RIPOR2: variants seen among roughly 807,000 people sequenced by gnomAD.
The protein encoded by RIPOR2 is rho family-interacting cell polarization regulator 2.
In RIPOR2, 39 loss-of-function variants were observed where a neutral mutation model predicts 114.5. The observed-to-expected ratio is 0.34, with a 90% CI of 0.26 to 0.44. The LOEUF (loss-of-function observed/expected upper bound fraction) is 0.44, where lower values mean the gene tolerates loss of function less well. RIPOR2 is among the 20% of genes least tolerant of loss of function. The pLI is 1.00. For synonymous variants in RIPOR2, 445 were observed against 484.4 expected (o/e 0.92, Z 1.07); for missense variants, 1,007 against 1,255.1 (o/e 0.80, Z 2.99).
At chr6:24,892,803 ATG>A (rs2113976839) in intron 1 of RIPOR2, among the ~76,000 whole-genome samples, 1 of 152,318 alleles carries the variant, frequency 6.6e-6, no homozygotes, top group Non-Finnish European at 1.5e-5. Context: ...AAGAGAGGCA[ATG>A]TGTGGATTCT....
At chr6:24,989,640 T>C (rs957852435) in intron 1 of RIPOR2, among the ~76,000 whole-genome samples, 7 of 152,174 alleles carry the variant, frequency 4.6e-5, no homozygotes, top group Non-Finnish European at 1.0e-4. Flanking sequence ...GAAAAAGATA[T>C]CACATATTGA....
At chr6:24,852,831 G>A (rs571463847) in intron 8 of RIPOR2, among the ~76,000 whole-genome samples, 264 of 152,352 alleles carry the variant, frequency 1.7e-3, no homozygotes, top group Non-Finnish European at 2.7e-3. Context: ...TGATGGAAGA[G>A]GTGGTCTCCA....
At chr6:24,826,083 C>T (rs974681058) in intron 18 of RIPOR2, among the ~76,000 whole-genome samples, 22 of 151,776 alleles carry the variant, frequency 1.4e-4, no homozygotes, top group Admixed American at 5.3e-4. Context: ...CATGCCACCA[C>T]GCCTGGCTAA....
At chr6:25,030,522 C>G (rs915503659) in intron 1 of RIPOR2, among the ~76,000 whole-genome samples, 6 of 152,176 alleles carry the variant, frequency 3.9e-5, no homozygotes, top group Non-Finnish European at 8.8e-5. Flanking sequence ...TATAAGAATA[C>G]ATCTAATAAT....
chr6:24,953,643 C>A (rs1042118033), intron 1 of RIPOR2, among the ~76,000 whole-genome samples: 1 of 152,186 alleles, frequency 6.6e-6, no homozygotes, highest in African/African-American at 2.4e-5. Flanking sequence ...TCTGCTGAAG[C>A]GGGTCACAAG....
intron 19 of RIPOR2, among the ~76,000 whole-genome samples, chr6:24,821,574 A>T (rs1759704345): frequency 6.6e-6 from 1 of 152,252 alleles, no homozygotes; most frequent in Non-Finnish European, 1.5e-5. Context: ...AAGCAGTAAC[A>T]GTAACTAGCT....
At chr6:24,914,285 G>A (rs534302661) in intron 1 of RIPOR2, among the ~76,000 whole-genome samples, 5 of 152,248 alleles carry the variant, frequency 3.3e-5, no homozygotes, top group East Asian at 1.9e-4. Flanking sequence ...GCAGTGAGCC[G>A]AGATTACGTC....
intron 9 of RIPOR2, among the ~76,000 whole-genome samples, chr6:24,851,786 T>C (rs1391082001): frequency 1.3e-5 from 2 of 151,820 alleles, no homozygotes; most frequent in Non-Finnish European, 2.9e-5. Flanking sequence ...AGTACAATAT[T>C]GGGACACCTG....
At chr6:25,030,781 CT>C (rs1776885592) in intron 1 of RIPOR2, among the ~76,000 whole-genome samples, 2 of 149,526 alleles carry the variant, frequency 1.3e-5, no homozygotes, top group Admixed American at 1.3e-4. Context: ...TCACTGCAAC[CT>C]CTGCCTCTTG....
intron 1 of RIPOR2, among the ~76,000 whole-genome samples, chr6:24,992,723 A>C (rs1774877223): frequency 6.6e-6 from 1 of 152,190 alleles, no homozygotes; most frequent in African/African-American, 2.4e-5. Flanking sequence ...CTATTTTAAA[A>C]TTTATACAGA....
At chr6:24,848,486 T>G (rs572776659) in intron 11 of RIPOR2, among the ~76,000 whole-genome samples, 35 of 152,152 alleles carry the variant, frequency 2.3e-4, no homozygotes, top group Non-Finnish European at 4.3e-4. Flanking sequence ...TGTTGAAAAG[T>G]CTATAAAAAT....
At chr6:24,955,698 CAAAA>C (rs34104173) in intron 1 of RIPOR2, among the ~76,000 whole-genome samples, 4 of 134,898 alleles carry the variant, frequency 3.0e-5, no homozygotes, top group African/African-American at 5.5e-5. Flanking sequence ...GCTGCTCCTT[CAAAA>C]AAAAAAAAAA....
intron 1 of RIPOR2, among the ~76,000 whole-genome samples, chr6:24,891,647 A>G (rs1276041349): frequency 1.3e-5 from 2 of 152,218 alleles, no homozygotes; most frequent in African/African-American, 4.8e-5. Flanking sequence ...AGAATACATT[A>G]GAGGCATATT....
At chr6:24,927,182 T>TACAACTACA (rs1350897331) in intron 1 of RIPOR2, among the ~76,000 whole-genome samples, 1,920 of 3,216 alleles carry the variant, frequency 0.6, 829 homozygotes, top group African/African-American at 0.72. Flanking sequence ...ACCACCACCA[T>TACAACTACA]GACCACCACC....
intron 1 of RIPOR2, among the ~76,000 whole-genome samples, chr6:24,934,703 G>T (rs1771640230): frequency 6.6e-6 from 1 of 152,192 alleles, no homozygotes; most frequent in South Asian, 2.1e-4. Flanking sequence ...AGATTCTTGA[G>T]TCCAAATTTC....
intron 1 of RIPOR2, among the ~76,000 whole-genome samples, chr6:25,036,401 T>C (rs1777258537): frequency 6.6e-6 from 1 of 152,110 alleles, no homozygotes; most frequent in Non-Finnish European, 1.5e-5. Flanking sequence ...TTTGTTTTGT[T>C]TTGTTTTTTG....
chr6:24,911,091 G>T lies in RIPOR2; in HGVS notation c.61+24747C>A, dbSNP rs998382340. 1.0e-5 allele frequency: 6 copies of T among 578,040 alleles called. No individual in the cohort carries two copies. In the African/African-American group the frequency reaches 1.2e-4, roughly 12 times the overall value. 35.8% of individuals were successfully genotyped at this position (578,040 alleles called of 1,614,324 possible). ...GGGCGCGAGGGTGGCGGAGCGCGGA[G>T]CTAGAGCGGCGGAGCGGGCGGAGGG... On this transcript the variant is annotated intron_variant, in intron 1 of 21. Coordinates refer to ENST00000643898, the MANE Select transcript of RIPOR2 (RefSeq NM_001286445.3).
intron 1 of RIPOR2, chr6:24,948,344 A>G (rs142561755): frequency 6.6e-6 from 1 of 152,376 alleles, no homozygotes; most frequent in East Asian, 1.9e-4. Flanking sequence ...TCCTGCACTC[A>G]TGAACTAACT....
chr6:24,861,826 C>T (rs1764098552), intron 7 of RIPOR2, among the ~76,000 whole-genome samples: 1 of 152,118 alleles, frequency 6.6e-6, no homozygotes, highest in Admixed American at 6.5e-5. Flanking sequence ...CAAATATGGC[C>T]AAATATTACC....
Sources: gnomAD v4.1 joint callset for allele counts (sites outside exome capture counted in the v4.1 genomes callset) on GRCh38, gnomAD v4.1.1 for gene constraint, MANE v1.5 for transcripts, NCBI Gene and HGNC (gene_info 2026-07-23, HGNC 2026-07-21) for gene names.